Variants in PDE1A observed in about 807,000 individuals in gnomAD.
PDE1A encodes dual specificity calcium/calmodulin-dependent 3',5'-cyclic nucleotide phosphodiesterase 1A.
In PDE1A, 35 loss-of-function variants were observed where a neutral mutation model predicts 61.7. That is an observed-to-expected ratio of 0.57 (90% CI 0.43 to 0.75). PDE1A has a LOEUF of 0.75. Among genes scored for constraint, PDE1A ranks in the 30% least tolerant of loss-of-function variants. The pLI is 0.00. For synonymous variants in PDE1A, 232 were observed against 213.2 expected, an observed-to-expected ratio of 1.09 and a Z score of -0.77; for missense variants, 597 against 630.6, an observed-to-expected ratio of 0.95 and a Z score of 0.57.
chr2:182,490,842 C>T (rs553902984), intron 2 of PDE1A, among the ~76,000 whole-genome samples: 12 of 152,206 alleles, frequency 7.9e-5, no homozygotes, highest in African/African-American at 2.4e-4. Flanking sequence ...CTTAGACAGG[C>T]GCACTGACAG....
chr2:182,477,115 T>C (rs1031294057), intron 2 of PDE1A, among the ~76,000 whole-genome samples: 1 of 152,050 alleles, frequency 6.6e-6, no homozygotes. Context: ...AAGGCATTCA[T>C]GGATTTCCAT....
At chr2:182,446,140 C>T (rs1343112344) in intron 2 of PDE1A, among the ~76,000 whole-genome samples, 2 of 151,952 alleles carry the variant, frequency 1.3e-5, no homozygotes, top group Non-Finnish European at 2.9e-5. Flanking sequence ...AATATAATAG[C>T]CAGAATATAT....
At chr2:182,472,951 TTTTA>T (rs1243522885) in intron 2 of PDE1A, among the ~76,000 whole-genome samples, 6 of 151,618 alleles carry the variant, frequency 4.0e-5, no homozygotes, top group Non-Finnish European at 8.8e-5. Context: ...AATTTTTTTT[TTTTA>T]AATTTTTTAT....
rs112245842 is a variant in PDE1A at position 182,206,194 on chromosome 2, A to C, written c.777-129T>G. 2.7e-3 allele frequency: 1,534 copies of C among 571,410 alleles called. 16 individuals are homozygous for C. The highest frequency in any genetic ancestry group is 0.024 in the African/African-American group (1,260 of 52,786). The allele number at this position is 571,410 out of a possible 1,614,324, so 35.4% of individuals were successfully genotyped here. A position where few individuals can be genotyped will look rare whatever the true frequency, so the allele number is the denominator to read the frequency against. On this transcript the variant is annotated intron_variant, in intron 7 of 13. Transcript: ENST00000351439. ...ATAATTGAACAGTGAGAATTATGGA[A>C]GTACTTAGTTTCTTTTATTTTTTAC...
At chr2:182,373,678 G>A (rs2125260442) in intron 1 of PDE1A, among the ~76,000 whole-genome samples, 1 of 152,276 alleles carries the variant, frequency 6.6e-6, no homozygotes, top group East Asian at 1.9e-4. Flanking sequence ...AAGTAAAGCA[G>A]TGAAGAAGGA....
chr2:182,668,815 G>A, the PDE1A span, among the ~76,000 whole-genome samples: 36 of 152,058 alleles, frequency 2.4e-4, 1 homozygote, highest in Non-Finnish European at 5.9e-5. Context: ...GTTAGCTCTG[G>A]CTCTCTCTTA....
Position 182,296,300 on chromosome 2 carries a change from C to A in PDE1A, c.54-31886G>T, listed in dbSNP as rs368866716. The stretch of plus-strand genomic sequence containing the variant: ...TCTTTTTCTTAGTTTTGATACAACT[C>A]CCCCACTGTCATACATATAGGACAG... On this transcript the variant is annotated intron_variant, in intron 1 of 13. Transcript: ENST00000351439. Among the ~76,000 whole-genome samples the A allele has an allele frequency of 1.1e-4, 17 of 152,208 alleles. 1 individual carries two copies. The East Asian group carries it at 1.6e-3, about 14-fold the overall frequency.
Position 182,386,268 on chromosome 2 carries a change from C to T in PDE1A, c.53+40310G>A, listed in dbSNP as rs184674945. Among the ~76,000 whole-genome samples the T allele has an allele frequency of 7.4e-3, 1,122 of 152,210 alleles. 42 individuals carry two copies. The highest frequency in any genetic ancestry group is 0.011 in the East Asian group (55 of 5,148). On this transcript the variant is annotated intron_variant, in intron 1 of 13. Transcript: ENST00000351439. ...TTACAGCCTCTGCCCAGCCGCCACC[C>T]CGTCTGGGAAGTGAGGAGCGTCTCT...
intron 13 of PDE1A, among the ~76,000 whole-genome samples, chr2:182,151,008 C>G (rs528022355): frequency 1.3e-5 from 2 of 152,274 alleles, no homozygotes; most frequent in South Asian, 2.1e-4. Flanking sequence ...ATAATCAATA[C>G]TTTGTGAACA....
the PDE1A span, among the ~76,000 whole-genome samples, chr2:182,652,948 G>C: frequency 6.6e-6 from 1 of 152,070 alleles, no homozygotes; most frequent in Non-Finnish European, 1.5e-5. Flanking sequence ...TGCAATTTCT[G>C]GTTCATCATT....
At chr2:182,146,807 T>C (rs181251013), downstream of PDE1A, among the ~76,000 whole-genome samples, 8 of 152,302 alleles carry the variant, frequency 5.3e-5, no homozygotes, top group South Asian at 6.2e-4. Context: ...TTTTTAAAGA[T>C]TGAAAATTTC....
the PDE1A span, among the ~76,000 whole-genome samples, chr2:182,656,382 C>G: frequency 6.6e-6 from 1 of 152,192 alleles, no homozygotes; most frequent in Non-Finnish European, 1.5e-5. Flanking sequence ...AAGCAGCCAA[C>G]TTGTGATTTA....
chr2:182,370,629 G>C (rs1700079625), intron 1 of PDE1A, among the ~76,000 whole-genome samples: 1 of 152,190 alleles, frequency 6.6e-6, no homozygotes, highest in Non-Finnish European at 1.5e-5. Flanking sequence ...TGAGACTGCT[G>C]TTAGATTTAA....
intron 2 of PDE1A, among the ~76,000 whole-genome samples, chr2:182,446,983 T>C (rs141642315): frequency 1.3e-3 from 191 of 152,050 alleles, no homozygotes; most frequent in Non-Finnish European, 1.3e-3. Flanking sequence ...GCCTGATACA[T>C]AGTAAACCTG....
chr2:182,562,453 T>G, the PDE1A span, among the ~76,000 whole-genome samples: 12 of 151,232 alleles, frequency 7.9e-5, no homozygotes, highest in African/African-American at 2.4e-4. Flanking sequence ...TGGATTCGGT[T>G]TGCCAGTATT....
At chr2:182,673,291 A>C in the PDE1A span, among the ~76,000 whole-genome samples, 315 of 152,310 alleles carry the variant, frequency 2.1e-3, 3 homozygotes, top group African/African-American at 7.3e-3. Context: ...TCTTCATCTG[A>C]ACATGTGAGT....
chr2:182,617,505 T>A, the PDE1A span, among the ~76,000 whole-genome samples: 1 of 152,208 alleles, frequency 6.6e-6, no homozygotes, highest in East Asian at 1.9e-4. Flanking sequence ...TTTGCTGAGT[T>A]CTATGAACAC....
At chr2:182,504,254 A>G (rs1689264693) in intron 2 of PDE1A, among the ~76,000 whole-genome samples, 1 of 152,316 alleles carries the variant, frequency 6.6e-6, no homozygotes, top group African/African-American at 2.4e-5. Flanking sequence ...GGAATTTAAG[A>G]TTACTTAGCA....
chr2:182,399,253 CT>C lies in PDE1A; in HGVS notation c.53+27324del, dbSNP rs1326805831. Among the ~76,000 whole-genome samples, 11 of 151,950 alleles carry C rather than the reference CT, an allele frequency of 7.2e-5. No individual in the cohort carries two copies. In the East Asian group the frequency reaches 1.3e-3, roughly 19 times the overall value. On this transcript the variant is annotated intron_variant, in intron 1 of 13. Coordinates refer to ENST00000351439, the Ensembl canonical transcript of PDE1A. ...AATTTATATGCTACAAAATAATGCA[CT>C]TTTTTGGTATAAAATTCTATGAATT...
Sources: gnomAD v4.1 joint callset for allele counts (sites outside exome capture counted in the v4.1 genomes callset) on GRCh38, gnomAD v4.1.1 for gene constraint, MANE v1.5 for transcripts, NCBI Gene and HGNC (gene_info 2026-07-23, HGNC 2026-07-21) for gene names.